The following LDLRAD4 variants were observed in gnomAD, a reference collection of about 807,000 sequenced individuals.
The protein encoded by LDLRAD4 is low density lipoprotein receptor class A domain containing 4.
In LDLRAD4, 5 loss-of-function variants were observed where a neutral mutation model predicts 17.0. The observed-to-expected ratio is 0.29, with a 90% CI of 0.15 to 0.62. The LOEUF (loss-of-function observed/expected upper bound fraction) is 0.62, where lower values mean the gene tolerates loss of function less well. Among genes scored for constraint, LDLRAD4 ranks in the 20% least tolerant of loss-of-function variants. The pLI is 0.84. For synonymous variants in LDLRAD4, 168 were observed against 171.8 expected (o/e 0.98, Z 0.17); for missense variants, 340 against 424.7 (o/e 0.80, Z 1.75).
At chr18:13,435,358 T>A (rs191020077) in intron 2 of LDLRAD4, among the ~76,000 whole-genome samples, 1 of 152,380 alleles carries the variant, frequency 6.6e-6, no homozygotes, top group East Asian at 1.9e-4. Context: ...GTCATTCTGA[T>A]TCCAGTGGCC....
At chr18:13,508,005 T>C (rs1413554322) in intron 3 of LDLRAD4, among the ~76,000 whole-genome samples, 1 of 152,070 alleles carries the variant, frequency 6.6e-6, no homozygotes, top group Non-Finnish European at 1.5e-5. Flanking sequence ...GAAAAGTTCT[T>C]GAAGGAAATT....
At chr18:13,528,053 A>G (rs540790002) in intron 3 of LDLRAD4, among the ~76,000 whole-genome samples, 1 of 152,202 alleles carries the variant, frequency 6.6e-6, no homozygotes, top group Admixed American at 6.5e-5. Context: ...CTTTCTACCC[A>G]AAGTTGTGGC....
chr18:13,362,887 T>A (rs1364520565), intron 1 of LDLRAD4, among the ~76,000 whole-genome samples: 6 of 138,306 alleles, frequency 4.3e-5, no homozygotes, highest in Non-Finnish European at 9.3e-5. Context: ...ATTAGAAAAC[T>A]TTTTTTTTTT....
At chr18:13,299,772 G>C (rs2046475862) in intron 1 of LDLRAD4, among the ~76,000 whole-genome samples, 1 of 152,132 alleles carries the variant, frequency 6.6e-6, no homozygotes, top group Non-Finnish European at 1.5e-5. Context: ...AGCCTGGGAG[G>C]TTGAGGCTGC....
At chr18:13,603,046 T>C (rs1320834330) in intron 3 of LDLRAD4, among the ~76,000 whole-genome samples, 1 of 149,288 alleles carries the variant, frequency 6.7e-6, no homozygotes, top group African/African-American at 2.5e-5. Context: ...TCTAGAAAAC[T>C]CTGATTTTTA....
intron 1 of LDLRAD4, among the ~76,000 whole-genome samples, chr18:13,374,240 G>A (rs764152141): frequency 2.0e-5 from 3 of 152,180 alleles, no homozygotes; most frequent in East Asian, 1.9e-4. Flanking sequence ...ACCCCACACA[G>A]GCTCCTATGG....
At chr18:13,571,978 G>A (rs926710055) in intron 3 of LDLRAD4, among the ~76,000 whole-genome samples, 10 of 152,204 alleles carry the variant, frequency 6.6e-5, no homozygotes, top group Admixed American at 6.5e-5. Flanking sequence ...TAAGTGAAGA[G>A]TGTTCAGGAT....
At chr18:13,527,379 G>A (rs2094049812) in intron 3 of LDLRAD4, among the ~76,000 whole-genome samples, 1 of 152,246 alleles carries the variant, frequency 6.6e-6, no homozygotes, top group South Asian at 2.1e-4. Context: ...CGGGCCTCCA[G>A]GCTGACACTT....
At chr18:13,233,556 T>C (rs2042188348) in intron 1 of LDLRAD4, among the ~76,000 whole-genome samples, 1 of 152,122 alleles carries the variant, frequency 6.6e-6, no homozygotes, top group South Asian at 2.1e-4. Context: ...TAAGCAAAGA[T>C]GTCTTTGAGT....
chr18:13,320,269 C>T (rs937506327), intron 1 of LDLRAD4, among the ~76,000 whole-genome samples: 2 of 152,226 alleles, frequency 1.3e-5, no homozygotes, highest in East Asian at 1.9e-4. Flanking sequence ...TTCAAGATTG[C>T]ATTAGTCGTA....
At chr18:13,519,529 G>A (rs188418777) in intron 3 of LDLRAD4, among the ~76,000 whole-genome samples, 13 of 152,308 alleles carry the variant, frequency 8.5e-5, no homozygotes, top group Non-Finnish European at 1.3e-4. Flanking sequence ...GGAAGGCCGA[G>A]GCGGGCAGAT....
At chr18:13,532,108 G>A (rs2094137591) in intron 3 of LDLRAD4, among the ~76,000 whole-genome samples, 1 of 152,166 alleles carries the variant, frequency 6.6e-6, no homozygotes, top group Non-Finnish European at 1.5e-5. Context: ...ATGGGAGCAG[G>A]GCTGGGGACA....
At chr18:13,318,081 C>A (rs1380975649) in intron 1 of LDLRAD4, among the ~76,000 whole-genome samples, 1 of 152,142 alleles carries the variant, frequency 6.6e-6, no homozygotes, top group Non-Finnish European at 1.5e-5. Flanking sequence ...TCCCTCGCTT[C>A]CTGTCCTTGT....
chr18:13,568,471 C>T (rs887401806), intron 3 of LDLRAD4, among the ~76,000 whole-genome samples: 1 of 152,138 alleles, frequency 6.6e-6, no homozygotes, highest in Non-Finnish European at 1.5e-5. Flanking sequence ...CCAGCCAGGA[C>T]ACTCACACTG....
chr18:13,338,076 CT>C (rs2082192218), intron 1 of LDLRAD4, among the ~76,000 whole-genome samples: 1 of 152,176 alleles, frequency 6.6e-6, no homozygotes, highest in South Asian at 2.1e-4. Flanking sequence ...CAAGTTACCC[CT>C]TTTCCCTTCT....
intron 1 of LDLRAD4, among the ~76,000 whole-genome samples, chr18:13,349,586 G>T (rs548721112): frequency 6.6e-6 from 1 of 152,088 alleles, no homozygotes; most frequent in African/African-American, 2.4e-5. Flanking sequence ...AGCTTTTGTT[G>T]ATCTGAGAAT....
chr18:13,428,738 G>A (rs1403582365), intron 2 of LDLRAD4, among the ~76,000 whole-genome samples: 1 of 152,114 alleles, frequency 6.6e-6, no homozygotes, highest in African/African-American at 2.4e-5. Context: ...GGGTTGGGAT[G>A]TAAGGGAAAG....
intron 3 of LDLRAD4, among the ~76,000 whole-genome samples, chr18:13,582,797 C>G (rs184211780): frequency 1.3e-5 from 2 of 152,330 alleles, no homozygotes; most frequent in East Asian, 3.9e-4. Flanking sequence ...ACTGCAGCCT[C>G]GACCTCCCAG....
At chr18:13,223,851 G>A (rs1487022998) in intron 1 of LDLRAD4, among the ~76,000 whole-genome samples, 1 of 152,210 alleles carries the variant, frequency 6.6e-6, no homozygotes, top group Non-Finnish European at 1.5e-5. Context: ...ATTGCCCAGA[G>A]TCACCAACTT....
Sources: allele counts gnomAD v4.1 joint callset (sites outside exome capture counted in the v4.1 genomes callset), GRCh38; gene constraint gnomAD v4.1.1; transcripts MANE v1.5; gene names NCBI Gene and HGNC (gene_info 2026-07-23, HGNC 2026-07-21).